Variants in PTPRN2 observed in about 807,000 individuals in gnomAD.
PTPRN2 encodes protein tyrosine phosphatase receptor type N2, also known as receptor-type tyrosine-protein phosphatase N2.
Under a neutral mutation model 118.8 loss-of-function variants are expected in PTPRN2, and 74 were observed. The observed-to-expected ratio is 0.62, with a 90% confidence interval of 0.52 to 0.76. The LOEUF (loss-of-function observed/expected upper bound fraction) is 0.76. Among genes scored for constraint, PTPRN2 ranks in the 30% least tolerant of loss-of-function variants. The pLI, the probability that PTPRN2 is intolerant of heterozygous loss-of-function variation, is 0.00. For missense variants in PTPRN2, 1,481 were observed against 1,394.4 expected (o/e 1.06, Z -0.99); for synonymous variants, 641 against 608.0 (o/e 1.05, Z -0.80).
rs1467818151 is a variant in PTPRN2 at position 157,550,955 on chromosome 7, G to A, written c.2903-1936C>T. Among the ~76,000 whole-genome samples the A allele has an allele frequency of 6.6e-6, 1 of 152,192 alleles. No homozygotes were observed. The highest frequency in any genetic ancestry group is 2.4e-5 in the African/African-American group (1 of 41,444). On this transcript the variant is annotated intron_variant, in intron 21 of 22. Transcript: ENST00000389418. This position sits in a 1 kb window ranked among gnomAD's most constrained non-coding sequence, Gnocchi z 5.2. ...CAGCCTGACACAAACGGGTGAGTTT[G>A]TGAAATGGTAGAGAGGAAGGGAGGA...
chr7:158,456,155 G>T (rs1240803966), intron 2 of PTPRN2, among the ~76,000 whole-genome samples: 1 of 148,892 alleles, frequency 6.7e-6, no homozygotes, highest in Non-Finnish European at 1.5e-5. Flanking sequence ...CGGCATGGAC[G>T]CCATCAGCCA....
chr7:157,614,699 T>C (rs1315645207), intron 15 of PTPRN2, among the ~76,000 whole-genome samples: 2 of 152,102 alleles, frequency 1.3e-5, no homozygotes, highest in Non-Finnish European at 2.9e-5. Context: ...AGACAGGGCC[T>C]CTAGAGAGGC....
At chr7:157,971,202 G>T (rs2128817790) in intron 11 of PTPRN2, among the ~76,000 whole-genome samples, 1 of 152,184 alleles carries the variant, frequency 6.6e-6, no homozygotes, top group Non-Finnish European at 1.5e-5. Context: ...CTAAATATTT[G>T]TACTTGTACT....
rs953282580 is a variant in PTPRN2, at chr7:157,953,680, C to T, written c.1724-54943G>A. ...CAGACATCTCATTTTTTCAGAGCTGCATCATCAGAGCAGTTGGGGGACAGG... is the reference window on the plus strand; with the variant it reads ...CAGACATCTCATTTTTTCAGAGCTGTATCATCAGAGCAGTTGGGGGACAGG... On this transcript the variant is annotated intron_variant, in intron 11 of 22. Transcript: ENST00000389418. The surrounding 1 kb of genome is among the most constrained non-coding windows in gnomAD (Gnocchi z 4.6). Among the ~76,000 whole-genome samples, 3 of 151,978 alleles carry T rather than the reference C, an allele frequency of 2.0e-5. No individual in the cohort carries two copies. The highest frequency in any genetic ancestry group is 4.4e-5 in the Non-Finnish European group (3 of 67,996).
intron 19 of PTPRN2, chr7:157,574,196 G>T: frequency 3.5e-6 from 1 of 287,846 alleles, no homozygotes. Context: ...GGAATTCACT[G>T]AGAAAGAACG....
intron 3 of PTPRN2, among the ~76,000 whole-genome samples, chr7:158,275,335 C>T (rs1403410691): frequency 2.0e-5 from 3 of 152,168 alleles, no homozygotes; most frequent in Non-Finnish European, 4.4e-5. Flanking sequence ...CTCCTCACGC[C>T]TCTCCAGGGA....
intron 12 of PTPRN2, among the ~76,000 whole-genome samples, chr7:157,811,382 A>C (rs1300962328): frequency 6.7e-6 from 1 of 149,452 alleles, no homozygotes; most frequent in African/African-American, 2.5e-5. Context: ...ATGTTTTAGT[A>C]TCAAAATGAC....
intron 11 of PTPRN2, among the ~76,000 whole-genome samples, chr7:157,966,231 C>T (rs1801910746): frequency 6.6e-6 from 1 of 152,076 alleles, no homozygotes; most frequent in African/African-American, 2.4e-5. Flanking sequence ...GTTTAACTGC[C>T]TTCCTGTGAA....
intron 2 of PTPRN2, among the ~76,000 whole-genome samples, chr7:158,375,574 C>T (rs555259527): frequency 2.6e-5 from 4 of 152,328 alleles, no homozygotes; most frequent in Admixed American, 6.5e-5. Context: ...GGTAGTTCCC[C>T]GGCAAAGGCC....
At chr7:158,106,696 G>A (rs1032459138) in intron 10 of PTPRN2, among the ~76,000 whole-genome samples, 5 of 152,134 alleles carry the variant, frequency 3.3e-5, no homozygotes, top group African/African-American at 9.7e-5. Flanking sequence ...CCTGCTCCCC[G>A]AAGGTGATAG....
At chr7:158,485,743 C>G (rs1389402710) in intron 2 of PTPRN2, among the ~76,000 whole-genome samples, 1 of 152,054 alleles carries the variant, frequency 6.6e-6, no homozygotes. Flanking sequence ...AACATGCTCA[C>G]GTGAAAAACT....
intron 6 of PTPRN2, among the ~76,000 whole-genome samples, chr7:158,146,500 T>C (rs1335900794): frequency 6.6e-6 from 1 of 151,840 alleles, no homozygotes; most frequent in African/African-American, 2.4e-5. Flanking sequence ...GGCATGCGGA[T>C]CACGAGGTCA....
In PTPRN2 at chr7:158,179,207, G is replaced by A. The variant is rs553102214; in HGVS notation, c.550-11916C>T. Among the ~76,000 whole-genome samples the A allele has an allele frequency of 1.7e-3, 260 of 152,298 alleles. 2 individuals are homozygous for A. Among genetic ancestry groups the A allele is most frequent in the African/African-American group, 6.0e-3 (249 of 41,566 alleles). On this transcript the variant is annotated intron_variant, in intron 5 of 22. Transcript: ENST00000389418. Reference sequence around the variant, plus strand: ...TTTAATAATAGTCATTCTTGCAGGAGTATGGTGGTATCTCATTGTGGTTTT... The same window carrying A: ...TTTAATAATAGTCATTCTTGCAGGAATATGGTGGTATCTCATTGTGGTTTT...
At chr7:158,151,164 C>T (rs868859857) in intron 6 of PTPRN2, among the ~76,000 whole-genome samples, 2,749 of 42,078 alleles carry the variant, frequency 0.065, 688 homozygotes, top group East Asian at 0.13. Context: ...CCTGCCCACA[C>T]CGCCCGCCTT....
chr7:158,415,399 C>G lies in PTPRN2; in HGVS notation c.163+74336G>C, dbSNP rs539334057. ...CACCCCAGGCCCTACCCACCATCCT[C>G]TCTAAGCCCCCACCAGCTGCTTCAG... On this transcript the variant is annotated intron_variant, in intron 2 of 22. Transcript: ENST00000389418. 1.3e-3 allele frequency among the ~76,000 whole-genome samples: 205 copies of G among 152,306 alleles called. 1 individual carries two copies. Among genetic ancestry groups the G allele is most frequent in the Non-Finnish European group, 9.0e-4 (61 of 68,020 alleles).
chr7:157,752,367 G>C (rs934758924), intron 12 of PTPRN2, among the ~76,000 whole-genome samples: 1 of 152,226 alleles, frequency 6.6e-6, no homozygotes, highest in African/African-American at 2.4e-5. Flanking sequence ...GCCCCAGAGG[G>C]GGCAGGCTTC....
At chr7:157,891,773 G>A (rs540362847) in intron 12 of PTPRN2, among the ~76,000 whole-genome samples, 4 of 152,296 alleles carry the variant, frequency 2.6e-5, no homozygotes, top group South Asian at 2.1e-4. Context: ...TGAGGGTAGC[G>A]TGAGCTGAGC....
intron 12 of PTPRN2, among the ~76,000 whole-genome samples, chr7:157,791,126 G>C (rs1802340773): frequency 6.6e-6 from 1 of 152,202 alleles, no homozygotes; most frequent in Non-Finnish European, 1.5e-5. Context: ...TATGAGAACA[G>C]TCACTCTGGC....
At chr7:157,782,967 G>A (rs986624547) in intron 12 of PTPRN2, among the ~76,000 whole-genome samples, 2 of 152,194 alleles carry the variant, frequency 1.3e-5, no homozygotes, top group Non-Finnish European at 2.9e-5. Context: ...CCCACATGTT[G>A]GGGGAGTGAC....
Sources: allele counts gnomAD v4.1 joint callset (sites outside exome capture counted in the v4.1 genomes callset), GRCh38; gene constraint gnomAD v4.1.1; non-coding constraint Gnocchi (gnomAD v3.1); transcripts MANE v1.5; gene names NCBI Gene and HGNC (gene_info 2026-07-23, HGNC 2026-07-21).